Variants in CACNA2D3 observed in about 807,000 individuals in gnomAD.
CACNA2D3 encodes calcium voltage-gated channel auxiliary subunit alpha2delta 3.
Under a neutral mutation model 160.6 loss-of-function variants are expected in CACNA2D3, and 60 were observed. The observed-to-expected ratio is 0.37, with a 90% CI of 0.30 to 0.46. The LOEUF is 0.46. Ranked by LOEUF, CACNA2D3 falls within the 20% of genes least tolerant of loss-of-function variation. CACNA2D3 has a pLI of 1.00. For synonymous variants in CACNA2D3, 558 were observed against 492.9 expected, an observed-to-expected ratio of 1.13 and a Z score of -1.75; for missense variants, 1,205 against 1,365.0, an observed-to-expected ratio of 0.88 and a Z score of 1.85.
At chr3:54,940,404 G>A (rs944103998) in intron 27 of CACNA2D3, among the ~76,000 whole-genome samples, 2 of 152,060 alleles carry the variant, frequency 1.3e-5, no homozygotes, top group African/African-American at 4.8e-5. Context: ...TTACTGCCTC[G>A]GTGCCTAATG....
intron 2 of CACNA2D3, among the ~76,000 whole-genome samples, chr3:54,249,767 T>A (rs1003663830): frequency 7.6e-5 from 4 of 52,502 alleles, no homozygotes; most frequent in African/African-American, 3.0e-4. Flanking sequence ...AAATTATGTT[T>A]TTTTTTTTTT....
chr3:54,742,504 A>C (rs537155205), intron 11 of CACNA2D3, among the ~76,000 whole-genome samples: 1 of 152,176 alleles, frequency 6.6e-6, no homozygotes, highest in African/African-American at 2.4e-5. Context: ...CAGATTCTCA[A>C]TATGGGGGTA....
In CACNA2D3 at chr3:54,407,692, G is replaced by C. The variant is rs148832238; in HGVS notation, c.381+20918G>C. Reference sequence around the variant, plus strand: ...ATGACTTTGAGCTTTGTGTTAACCAGTTATTTGGTGGTCACATGTTATGCT... The same window carrying C: ...ATGACTTTGAGCTTTGTGTTAACCACTTATTTGGTGGTCACATGTTATGCT... On this transcript the variant is annotated intron_variant, in intron 4 of 37. Coordinates refer to ENST00000474759, the MANE Select transcript of CACNA2D3 (RefSeq NM_018398.3). Among the ~76,000 whole-genome samples the C allele has an allele frequency of 6.1e-3, 936 of 152,276 alleles. 5 individuals carry two copies. The highest frequency in any genetic ancestry group is 0.024 in the Middle Eastern group (7 of 294).
chr3:54,632,609 T>G (rs1699265448), intron 10 of CACNA2D3: 1 of 152,178 alleles, frequency 6.6e-6, no homozygotes. Flanking sequence ...TTATTGAGAC[T>G]TAAGTTTGGT....
chr3:54,164,865 C>A (rs543770582), intron 2 of CACNA2D3, among the ~76,000 whole-genome samples: 14 of 152,306 alleles, frequency 9.2e-5, no homozygotes, highest in African/African-American at 2.9e-4. Context: ...AGTTAGTTTC[C>A]CTTTCGTGAT....
At chr3:54,701,929 G>A (rs1297845029) in intron 11 of CACNA2D3, among the ~76,000 whole-genome samples, 4 of 152,066 alleles carry the variant, frequency 2.6e-5, no homozygotes, top group African/African-American at 9.7e-5. Flanking sequence ...AATGGAACAG[G>A]TCAGAGAACC....
chr3:55,016,403 C>T (rs77835116), intron 34 of CACNA2D3, among the ~76,000 whole-genome samples: 3 of 152,142 alleles, frequency 2.0e-5, no homozygotes, highest in Non-Finnish European at 2.9e-5. Context: ...ATTTAGCAGA[C>T]GAGGACACTA....
intron 10 of CACNA2D3, chr3:54,637,759 G>T (rs1244272342): frequency 6.6e-6 from 1 of 151,994 alleles, no homozygotes; most frequent in Non-Finnish European, 1.5e-5. Context: ...TCTTCAGCCA[G>T]TAAGCCAAGA....
At chr3:54,331,525 G>A (rs956885817) in intron 3 of CACNA2D3, among the ~76,000 whole-genome samples, 7 of 152,128 alleles carry the variant, frequency 4.6e-5, no homozygotes, top group Admixed American at 3.3e-4. Flanking sequence ...CATCTCTGTT[G>A]TCATCATGAT....
At chr3:54,588,173 A>C (rs1324768611) in intron 9 of CACNA2D3, among the ~76,000 whole-genome samples, 2 of 152,224 alleles carry the variant, frequency 1.3e-5, no homozygotes, top group Non-Finnish European at 2.9e-5. Flanking sequence ...CAAATCAATC[A>C]ATGTAATCTA....
At chr3:54,711,368 C>A (rs550023815) in intron 11 of CACNA2D3, among the ~76,000 whole-genome samples, 1 of 152,196 alleles carries the variant, frequency 6.6e-6, no homozygotes, top group Non-Finnish European at 1.5e-5. Flanking sequence ...CTGGAGCTGG[C>A]TAATTCAGCA....
chr3:54,285,645 C>G (rs1702997354), intron 2 of CACNA2D3, among the ~76,000 whole-genome samples: 1 of 152,234 alleles, frequency 6.6e-6, no homozygotes, highest in African/African-American at 2.4e-5. Flanking sequence ...AAGTGGGTCC[C>G]TGACCCCCGA....
intron 27 of CACNA2D3, among the ~76,000 whole-genome samples, chr3:54,960,340 C>G (rs1462264634): frequency 1.3e-5 from 2 of 152,136 alleles, no homozygotes; most frequent in African/African-American, 4.8e-5. Context: ...AGAAAGATTA[C>G]CAACCCCCCA....
chr3:54,269,352 T>G (rs1702575141), intron 2 of CACNA2D3, among the ~76,000 whole-genome samples: 1 of 151,700 alleles, frequency 6.6e-6, no homozygotes, highest in Non-Finnish European at 1.5e-5. Flanking sequence ...TTTCCTAATT[T>G]CTTTTGTTCT....
In CACNA2D3 at chr3:54,442,483, G is replaced by A. The variant is rs139770360; in HGVS notation, c.381+55709G>A. Among the ~76,000 whole-genome samples, 13 of 152,218 alleles carry A rather than the reference G, an allele frequency of 8.5e-5. No homozygotes were observed. In the East Asian group the frequency reaches 2.3e-3, roughly 27 times the overall value. On this transcript the variant is annotated intron_variant, in intron 4 of 37. Coordinates refer to ENST00000474759, the MANE Select transcript of CACNA2D3 (RefSeq NM_018398.3). ...GGAAGATGGAATCTGGTACATCAAT[G>A]ATGTGCTTCAACAGCTCCACTTTCC...
chr3:54,962,053 T>C (rs886962137), intron 27 of CACNA2D3, among the ~76,000 whole-genome samples: 1 of 151,284 alleles, frequency 6.6e-6, no homozygotes, highest in East Asian at 2.0e-4. Context: ...TCATGATAAC[T>C]CATTAATCCA....
intron 27 of CACNA2D3, among the ~76,000 whole-genome samples, chr3:54,914,571 G>A (rs949940939): frequency 5.3e-5 from 8 of 151,874 alleles, no homozygotes; most frequent in African/African-American, 1.9e-4. Context: ...AATCTGAAAG[G>A]GATTATATAT....
intron 35 of CACNA2D3, among the ~76,000 whole-genome samples, chr3:55,071,056 T>G (rs1478307478): frequency 6.6e-6 from 1 of 152,202 alleles, no homozygotes; most frequent in East Asian, 1.9e-4. Context: ...GACTAAAGAA[T>G]CATATTTTAT....
intron 4 of CACNA2D3, among the ~76,000 whole-genome samples, chr3:54,401,605 G>A (rs1053233617): frequency 2.0e-5 from 3 of 152,112 alleles, no homozygotes; most frequent in Non-Finnish European, 4.4e-5. Context: ...AAATTTTAAA[G>A]TACTGAAAGG....
Sources: gnomAD v4.1 joint callset for allele counts (sites outside exome capture counted in the v4.1 genomes callset) on GRCh38, gnomAD v4.1.1 for gene constraint, MANE v1.5 for transcripts, NCBI Gene and HGNC (gene_info 2026-07-23, HGNC 2026-07-21) for gene names.